DENND1B: variants seen among roughly 807,000 people sequenced by gnomAD.
DENND1B encodes DENN domain containing 1B.
DENND1B carries 59 observed loss-of-function variants against 90.1 expected under a neutral mutation model. The ratio of observed to expected loss-of-function variants is 0.65; its 90% confidence interval spans 0.53 to 0.81. The LOEUF (loss-of-function observed/expected upper bound fraction) is 0.81, where lower values mean the gene tolerates loss of function less well. Among genes scored for constraint, DENND1B ranks in the 40% least tolerant of loss-of-function variants. DENND1B has a pLI of 0.00. For missense variants in DENND1B, 862 were observed against 912.6 expected, an observed-to-expected ratio of 0.94 and a Z score of 0.71; for synonymous variants, 337 against 324.6, an observed-to-expected ratio of 1.04 and a Z score of -0.41.
intron 2 of DENND1B, among the ~76,000 whole-genome samples, chr1:197,769,529 C>T (rs185795191): frequency 2.6e-5 from 4 of 152,314 alleles, no homozygotes; most frequent in Admixed American, 6.5e-5. Context: ...GACACCATTA[C>T]TGTGAGTGGC....
At chr1:197,638,569 A>G (rs1036966797) in intron 10 of DENND1B, among the ~76,000 whole-genome samples, 1 of 152,228 alleles carries the variant, frequency 6.6e-6, no homozygotes, top group Non-Finnish European at 1.5e-5. Context: ...ACAAGGCTTC[A>G]TGCCTGACTG....
intron 15 of DENND1B, among the ~76,000 whole-genome samples, chr1:197,569,140 A>G (rs1672935655): frequency 6.6e-6 from 1 of 152,208 alleles, no homozygotes; most frequent in Admixed American, 6.5e-5. Context: ...AACATTGATC[A>G]TAAGAAGACA....
At chr1:197,726,802 T>C (rs955962226) in intron 2 of DENND1B, among the ~76,000 whole-genome samples, 4 of 152,236 alleles carry the variant, frequency 2.6e-5, no homozygotes, top group African/African-American at 9.6e-5. Context: ...CAATGTGATG[T>C]GATGTCATCT....
At chr1:197,582,861 C>CT (rs1243953558) in intron 15 of DENND1B, among the ~76,000 whole-genome samples, 1 of 152,086 alleles carries the variant, frequency 6.6e-6, no homozygotes, top group African/African-American at 2.4e-5. Flanking sequence ...TCTAAGATGC[C>CT]TTGTATAAGT....
At chr1:197,735,002 C>G in intron 2 of DENND1B, 1 of 985,438 alleles carries the variant, frequency 1.0e-6, no homozygotes, top group South Asian at 4.7e-5. Flanking sequence ...TAAGAACTGG[C>G]AGAAAATGTT....
At chr1:197,620,755 G>A (rs1003975167) in intron 10 of DENND1B, among the ~76,000 whole-genome samples, 2 of 151,338 alleles carry the variant, frequency 1.3e-5, no homozygotes, top group African/African-American at 4.8e-5. Flanking sequence ...AAATCCCTAT[G>A]AGGCAACAGG....
intron 21 of DENND1B, among the ~76,000 whole-genome samples, chr1:197,512,507 T>C (rs1668100886): frequency 6.6e-6 from 1 of 151,692 alleles, no homozygotes; most frequent in South Asian, 2.1e-4. Context: ...TTAAGTCTAC[T>C]GTACCCTCAA....
chr1:197,689,975 T>C (rs1254907852), intron 3 of DENND1B: 1 of 154,284 alleles, frequency 6.5e-6, no homozygotes, highest in Non-Finnish European at 1.4e-5. Flanking sequence ...CTACCATCAA[T>C]TCATTCAGTT....
chr1:197,628,002 A>T (rs914968692), intron 10 of DENND1B, among the ~76,000 whole-genome samples: 2 of 152,184 alleles, frequency 1.3e-5, no homozygotes, highest in Non-Finnish European at 2.9e-5. Flanking sequence ...AGAACTACAA[A>T]ACACTGCTCA....
At chr1:197,633,466 G>A (rs1382864663) in intron 10 of DENND1B, among the ~76,000 whole-genome samples, 1 of 152,166 alleles carries the variant, frequency 6.6e-6, no homozygotes, top group Non-Finnish European at 1.5e-5. Flanking sequence ...AAGGGACAAT[G>A]CAAAAAGAGA....
At chr1:197,574,075 T>C (rs1673426089) in intron 15 of DENND1B, among the ~76,000 whole-genome samples, 1 of 152,192 alleles carries the variant, frequency 6.6e-6, no homozygotes, top group Non-Finnish European at 1.5e-5. Flanking sequence ...AACATAGTGT[T>C]GGTAGTTCTG....
At chr1:197,613,639 G>A (rs1023848248) in intron 11 of DENND1B, among the ~76,000 whole-genome samples, 15 of 150,818 alleles carry the variant, frequency 9.9e-5, no homozygotes, top group Non-Finnish European at 2.1e-4. Flanking sequence ...TAGGTCTCCA[G>A]AGAAGAAGAC....
At chr1:197,750,799 C>T (rs1653392139) in intron 2 of DENND1B, among the ~76,000 whole-genome samples, 2 of 152,028 alleles carry the variant, frequency 1.3e-5, no homozygotes, top group African/African-American at 4.8e-5. Flanking sequence ...ACCCTTTTAA[C>T]ATATGAAATT....
intron 15 of DENND1B, among the ~76,000 whole-genome samples, chr1:197,563,653 C>T (rs1672364250): frequency 6.6e-6 from 1 of 151,908 alleles, no homozygotes; most frequent in African/African-American, 2.4e-5. Context: ...CATTCTGCAA[C>T]CCATGGATCA....
At chr1:197,738,164 G>T (rs1355019841) in intron 2 of DENND1B, among the ~76,000 whole-genome samples, 1 of 152,142 alleles carries the variant, frequency 6.6e-6, no homozygotes, top group East Asian at 1.9e-4. Context: ...AGTACCCTCT[G>T]TTATATAACA....
chr1:197,658,273 T>C (rs774479971), intron 6 of DENND1B, 27 bp downstream of exon 6: 2 of 1,572,568 alleles, frequency 1.3e-6, no homozygotes, highest in South Asian at 1.1e-5. Context: ...TTTACCACAA[T>C]TTAAAAATGG....
intron 13 of DENND1B, among the ~76,000 whole-genome samples, chr1:197,603,452 T>G (rs1676386577): frequency 6.6e-6 from 1 of 151,368 alleles, no homozygotes; most frequent in South Asian, 2.1e-4. Flanking sequence ...AAAATAGGAA[T>G]AGCATATTGA....
intron 2 of DENND1B, chr1:197,735,707 C>A (rs1434577071): frequency 1.2e-6 from 2 of 1,613,726 alleles, no homozygotes; most frequent in Non-Finnish European, 1.7e-6. Flanking sequence ...ACGCCAGGAC[C>A]GACAGGAAAG....
intron 14 of DENND1B, among the ~76,000 whole-genome samples, chr1:197,594,865 T>C (rs1361323984): frequency 2.6e-5 from 4 of 152,118 alleles, no homozygotes; most frequent in African/African-American, 9.7e-5. Context: ...CCCAATTGTC[T>C]TGTGAATTTC....
Sources: gnomAD v4.1 joint callset for allele counts (sites outside exome capture counted in the v4.1 genomes callset) on GRCh38, gnomAD v4.1.1 for gene constraint, MANE v1.5 for transcripts, NCBI Gene and HGNC (gene_info 2026-07-23, HGNC 2026-07-21) for gene names.